RBCK1: variants seen among roughly 807,000 people sequenced by gnomAD.
RBCK1 encodes the protein RANBP2-type and C3HC4-type zinc finger containing 1, also known as ranBP-type and C3HC4-type zinc finger-containing protein 1.
Under a neutral mutation model 71.1 loss-of-function variants are expected in RBCK1, and 44 were observed. That is an observed-to-expected ratio of 0.62 (90% CI 0.49 to 0.80). The LOEUF (loss-of-function observed/expected upper bound fraction) is 0.80, where lower values mean the gene tolerates loss of function less well. Ranked by LOEUF, RBCK1 falls within the 30% of genes least tolerant of loss-of-function variation. The pLI, the probability that RBCK1 is intolerant of heterozygous loss-of-function variation, is 0.00. For synonymous variants in RBCK1, 306 were observed against 279.7 expected, an observed-to-expected ratio of 1.09 and a Z score of -0.94; for missense variants, 569 against 685.0, an observed-to-expected ratio of 0.83 and a Z score of 1.89.
chr20:419,885 C>A, intron 6 of RBCK1, 154 bp downstream of exon 6: 1 of 520,704 alleles, frequency 1.9e-6, no homozygotes, highest in African/African-American at 5.1e-5. Context: ...GGCTGTGACC[C>A]TGCACCTGGC....
At position 430,457 on chromosome 20, in the gene RBCK1, A is replaced by G. The variant is rs896103959; in HGVS notation, c.*27A>G. The G allele has an allele frequency of 4.3e-5, 68 of 1,564,920 alleles. 1 individual carries two copies. The South Asian group carries it at 6.9e-4, about 16-fold the overall frequency. ...CTAAAGATGGTGGGGCCACATGCTG[A>G]CCCAGCCCCACATCCACATTCTGTT... On this transcript the variant is annotated 3_prime_UTR_variant, in exon 12 of 12. Transcript: ENST00000356286. This position sits in a 1 kb window ranked among gnomAD's most constrained non-coding sequence, Gnocchi z 5.6.
rs1236010047 is a variant in RBCK1 at position 430,124 on chromosome 20, G to A, written c.1453-226G>A. Among the ~76,000 whole-genome samples, 1 of 152,204 alleles carries A rather than the reference G, an allele frequency of 6.6e-6. No homozygotes were observed. The highest frequency in any genetic ancestry group is 1.5e-5 in the Non-Finnish European group (1 of 68,046). Reference sequence around the variant, plus strand: ...CTGACATGTCTAGAATATGCAGAGTGGTCAGATCCTCTCCCTGGCCTGTTC... The same window carrying A: ...CTGACATGTCTAGAATATGCAGAGTAGTCAGATCCTCTCCCTGGCCTGTTC... On this transcript the variant is annotated intron_variant, in intron 11 of 11. Transcript: ENST00000356286. This position sits in a 1 kb window ranked among gnomAD's most constrained non-coding sequence, Gnocchi z 5.6.
chr20:429,372 A>T (rs1029155642), intron 11 of RBCK1, among the ~76,000 whole-genome samples: 1 of 151,992 alleles, frequency 6.6e-6, no homozygotes, highest in Admixed American at 6.6e-5. Context: ...GATTACAGGC[A>T]TGCGCCACCA....
chr20:421,057 C>G (rs574560739), intron 7 of RBCK1, 26 bp downstream of exon 7: 13 of 1,517,088 alleles, frequency 8.6e-6, no homozygotes, highest in South Asian at 6.1e-5. Context: ...CCACCCCCGG[C>G]AATGCAGCTT....
Position 428,446 on chromosome 20 carries a change from A to AC in RBCK1, c.1210-40dup. ...GCACCTCACCTCTCCCAGCTTCTTAACCCCCTGAGGAACCTTCTTACCTTG... is the reference window on the plus strand; with the variant it reads ...GCACCTCACCTCTCCCAGCTTCTTAACCCCCCTGAGGAACCTTCTTACCTTG... On this transcript the variant is annotated intron_variant, in intron 9 of 11. Transcript: ENST00000356286. The surrounding 1 kb of genome is among the most constrained non-coding windows in gnomAD (Gnocchi z 5.7). 6.9e-7 allele frequency: 1 copy of AC among 1,440,528 alleles called. No homozygotes were observed. Among genetic ancestry groups the AC allele is most frequent in the East Asian group, 2.5e-5 (1 of 40,422 alleles). The allele number at this position is 1,440,528 out of a possible 1,614,324, so 89.2% of individuals were successfully genotyped here.
In RBCK1 at chr20:430,468, C is replaced by A. The variant is rs781160269; in HGVS notation, c.*38C>A. ...GGGGCCACATGCTGACCCAGCCCCA[C>A]ATCCACATTCTGTTAGAATGTAGCT... On this transcript the variant is annotated 3_prime_UTR_variant, in exon 12 of 12. Transcript: ENST00000356286. The surrounding 1 kb of genome is among the most constrained non-coding windows in gnomAD (Gnocchi z 5.6). The A allele has an allele frequency of 6.4e-7, 1 of 1,550,978 alleles. No homozygotes were observed. Among genetic ancestry groups the A allele is most frequent in the Non-Finnish European group, 8.9e-7 (1 of 1,122,848 alleles).
At chr20:418,492 C>T (rs1049127867) in intron 4 of RBCK1, among the ~76,000 whole-genome samples, 1 of 152,274 alleles carries the variant, frequency 6.6e-6, no homozygotes, top group South Asian at 2.1e-4. Flanking sequence ...CCTCAGCCTC[C>T]GGAGTAGCTG....
In RBCK1 at chr20:428,988, A is replaced by G. The variant is rs371077650; in HGVS notation, c.1346A>G (p.Gln449Arg). The G allele has an allele frequency of 9.3e-6, 15 of 1,611,516 alleles. No homozygotes were observed. In the African/African-American group the frequency reaches 1.1e-4, roughly 11 times the overall value. Residue 449 changes from glutamine to arginine, a missense_variant, in exon 11 of 12, where the codon CAG (glutamine) becomes CGG (arginine). Gln to Arg is a conservative substitution (Grantham distance 43, BLOSUM62 1). Around this residue, in one of 2 missense-constraint regions of RBCK1, gnomAD observed 211 missense variants for 309.4 expected, o/e 0.68. Coordinates refer to ENST00000356286, the MANE Select transcript of RBCK1 (RefSeq NM_031229.4). This position sits in a 1 kb window ranked among gnomAD's most constrained non-coding sequence, Gnocchi z 5.7. Reference protein sequence around the residue: ...LQQGEAMRCPQCQIVVQKKDG... With the variant: ...LQQGEAMRCPRCQIVVQKKDG... ...CAGGGCGAGGCCATGCGCTGCCCCC[A>G]GTGCCAGATCGTGGTACAGAAGAAG...
intron 2 of RBCK1, among the ~76,000 whole-genome samples, chr20:413,128 A>G (rs2015798544): frequency 6.6e-6 from 1 of 152,186 alleles, no homozygotes; most frequent in Non-Finnish European, 1.5e-5. Flanking sequence ...TCATTTCTAT[A>G]CCATTGAACT....
At chr20:419,262 C>A in intron 4 of RBCK1, 85 bp from the exon 5 acceptor site, 1 of 1,575,014 alleles carries the variant, frequency 6.3e-7, no homozygotes. Context: ...GGAGGGTCTG[C>A]CTGGCTGGCT....
chr20:419,772 CG>C, intron 6 of RBCK1, 41 bp downstream of exon 6: 2 of 1,520,018 alleles, frequency 1.3e-6, no homozygotes. Context: ...GCAGACCGCA[CG>C]GGGGAGGTGT....
intron 11 of RBCK1, among the ~76,000 whole-genome samples, chr20:429,576 T>C (rs991204488): frequency 6.6e-6 from 1 of 152,206 alleles, no homozygotes; most frequent in Non-Finnish European, 1.5e-5. Context: ...AGATGACTAT[T>C]TTGTGACGTG....
At chr20:421,388 G>A (rs1381870260) in intron 7 of RBCK1, among the ~76,000 whole-genome samples, 1 of 152,190 alleles carries the variant, frequency 6.6e-6, no homozygotes, top group Non-Finnish European at 1.5e-5. Context: ...CCCCACCCCT[G>A]AATGTGGGGA....
At chr20:426,801 TTTAC>T (rs1252130827) in intron 8 of RBCK1, among the ~76,000 whole-genome samples, 1 of 150,696 alleles carries the variant, frequency 6.6e-6, no homozygotes, top group Non-Finnish European at 1.5e-5. Flanking sequence ...TCACTTTCTT[TTTAC>T]TTTTCTTTTC....
In RBCK1 at chr20:408,693, G is replaced by T; in HGVS notation, c.-65G>T. Reference sequence around the variant, plus strand: ...TCCTGGTCTCCCGCCTCTCCCAGGCGACCCGGAGGTAGCATTTCCCAGGAG... The same window carrying T: ...TCCTGGTCTCCCGCCTCTCCCAGGCTACCCGGAGGTAGCATTTCCCAGGAG... On this transcript the variant is annotated 5_prime_UTR_variant, in exon 1 of 12. Transcript: ENST00000356286. 6.2e-7 allele frequency: 1 copy of T among 1,600,336 alleles called. No individual in the cohort carries two copies. The highest frequency in any genetic ancestry group is 1.1e-5 in the South Asian group (1 of 88,668).
intron 8 of RBCK1, 132 bp from the exon 9 acceptor site, chr20:427,181 T>C: frequency 1.3e-6 from 1 of 790,258 alleles, no homozygotes; most frequent in Non-Finnish European, 2.0e-6. Context: ...ACTATGAGGA[T>C]TACATGAAGA....
Position 427,355 on chromosome 20 carries a change from A to T in RBCK1, c.1072A>T (p.Ile358Phe). 1 of 1,614,170 alleles carries T rather than the reference A, an allele frequency of 6.2e-7. No individual in the cohort carries two copies. The highest frequency in any genetic ancestry group is 8.5e-7 in the Non-Finnish European group (1 of 1,180,030). ...TTACCAGCGATTTCTAGACCTGGGCATCTCCATTGCTGAAAACCGCAGTGC... is the reference window on the plus strand; with the variant it reads ...TTACCAGCGATTTCTAGACCTGGGCTTCTCCATTGCTGAAAACCGCAGTGC... ...EDYQRFLDLG[I>F]SIAENRSAFS... The change falls in exon 9 of 12, where the codon ATC (isoleucine) becomes TTC (phenylalanine). Residue 358 changes from isoleucine to phenylalanine, a missense_variant. Coordinates refer to ENST00000356286, the MANE Select transcript of RBCK1 (RefSeq NM_031229.4).
intron 9 of RBCK1, 34 bp downstream of exon 9, chr20:427,526 C>G (rs771475938): frequency 7.5e-6 from 12 of 1,608,444 alleles, no homozygotes; most frequent in African/African-American, 5.3e-5. Context: ...CACCTAGTCA[C>G]TGTCATCTTG....
rs727503764 is a variant in RBCK1 at position 421,006 on chromosome 20, CGTGA to C, written c.896_899del (p.Glu299ValfsTer46). 21 of 1,566,960 alleles carry C rather than the reference CGTGA, an allele frequency of 1.3e-5. No homozygotes were observed. Among genetic ancestry groups the C allele is most frequent in the South Asian group, 3.5e-5 (3 of 85,456 alleles). On this transcript the variant is annotated frameshift_variant, in exon 7 of 12. Transcript: ENST00000356286. LOFTEE classifies it high-confidence loss of function. ...GGCGCCCGGCGAGGCCGTGGTGCTGCGTGAGTGTCTGCACACCTTCTGCAGGTGC... is the reference window on the plus strand; with the variant it reads ...GGCGCCCGGCGAGGCCGTGGTGCTGCGTGTCTGCACACCTTCTGCAGGTGC...
Sources: gnomAD v4.1 joint callset for allele counts (sites outside exome capture counted in the v4.1 genomes callset) on GRCh38, gnomAD v4.1.1 for gene constraint, gnomAD v4.1.1 regional missense constraint, Gnocchi (gnomAD v3.1) non-coding constraint, MANE v1.5 for transcripts, NCBI Gene and HGNC (gene_info 2026-07-23, HGNC 2026-07-21) for gene names.